RIMS1: variants seen among roughly 807,000 people sequenced by gnomAD.
RIMS1 encodes the protein regulating synaptic membrane exocytosis protein 1.
Under a neutral mutation model 214.1 loss-of-function variants are expected in RIMS1, and 83 were observed. That is an observed-to-expected ratio of 0.39 (90% confidence interval 0.32 to 0.47). The LOEUF is 0.47. RIMS1 is among the 20% of genes least tolerant of loss of function. The pLI is 0.99. For missense variants in RIMS1, 2,050 were observed against 2,161.8 expected, an observed-to-expected ratio of 0.95 and a Z score of 1.03; for synonymous variants, 793 against 786.8, an observed-to-expected ratio of 1.01 and a Z score of -0.13.
rs113505062 is a variant in RIMS1 at position 72,284,164 on chromosome 6, A to G, written c.3554+46A>G. ...TGCTGACATCTTCCATTTTAGGAAT[A>G]TATTTAGGGGTGCTGTCACTCTCAT... On this transcript the variant is annotated intron_variant, in intron 24 of 33. Coordinates refer to ENST00000521978, the MANE Select transcript of RIMS1 (RefSeq NM_014989.7). 21 of 1,491,418 alleles carry G rather than the reference A, an allele frequency of 1.4e-5. No individual in the cohort carries two copies. In the African/African-American group the frequency reaches 1.5e-4, roughly 11 times the overall value. The allele number at this position is 1,491,418 out of a possible 1,614,324, so 92.4% of individuals were successfully genotyped here.
intron 4 of RIMS1, among the ~76,000 whole-genome samples, chr6:72,147,670 G>A (rs1421316038): frequency 6.6e-6 from 1 of 152,114 alleles, no homozygotes; most frequent in East Asian, 1.9e-4. Flanking sequence ...TCCACAAAGA[G>A]AAAAGACATA....
intron 4 of RIMS1, among the ~76,000 whole-genome samples, chr6:72,120,386 G>A (rs995665980): frequency 5.9e-5 from 9 of 151,784 alleles, no homozygotes; most frequent in African/African-American, 2.2e-4. Context: ...GTTTTGATTT[G>A]CATTTCTCTG....
chr6:71,910,368 T>A (rs1776516635), intron 1 of RIMS1, among the ~76,000 whole-genome samples: 1 of 152,190 alleles, frequency 6.6e-6, no homozygotes, highest in Admixed American at 6.6e-5. Context: ...TGTGCATTCT[T>A]GGACTGGACA....
intron 2 of RIMS1, among the ~76,000 whole-genome samples, chr6:72,011,636 A>G (rs1233656616): frequency 6.6e-6 from 1 of 152,200 alleles, no homozygotes; most frequent in Non-Finnish European, 1.5e-5. Context: ...TTTACAAGAA[A>G]AAAACAAACA....
At chr6:71,900,854 C>T (rs1356420182) in intron 1 of RIMS1, among the ~76,000 whole-genome samples, 1 of 151,942 alleles carries the variant, frequency 6.6e-6, no homozygotes, top group Non-Finnish European at 1.5e-5. Flanking sequence ...ACACAGATGG[C>T]CATGAAGCTA....
chr6:72,362,431 G>A (rs954575761), intron 29 of RIMS1, among the ~76,000 whole-genome samples: 1 of 152,098 alleles, frequency 6.6e-6, no homozygotes, highest in African/African-American at 2.4e-5. Context: ...AGGTTTTACA[G>A]GGTCGGAATT....
Position 72,182,929 on chromosome 6 carries a change from G to C in RIMS1, c.1458G>C (p.Lys486Asn), listed in dbSNP as rs2048563711. The stretch of plus-strand genomic sequence containing the variant: ...CCAGCTCGGCGGTCCTCATGCGGAA[G>C]GCCAAGCGCGAGAAGGTGGAGACCA... Reference protein sequence around the residue: ...LDPSSAVLMRKAKREKVETML... With the variant: ...LDPSSAVLMRNAKREKVETML... Residue 486 changes from lysine (K) to asparagine (N), a missense_variant, in exon 6 of 34, where the codon AAG becomes AAC. This residue lies in a region of RIMS1 where 882 missense variants were observed against 828.9 expected (regional missense o/e 1.06). Coordinates refer to ENST00000521978, the MANE Select transcript of RIMS1 (RefSeq NM_014989.7). 1 of 1,585,460 alleles carries C rather than the reference G, an allele frequency of 6.3e-7. No individual in the cohort carries two copies.
chr6:72,124,007 C>G (rs906423975), intron 4 of RIMS1, among the ~76,000 whole-genome samples: 9 of 151,750 alleles, frequency 5.9e-5, no homozygotes, highest in African/African-American at 2.2e-4. Flanking sequence ...GAATTTGATC[C>G]TGTCATTATG....
intron 6 of RIMS1, among the ~76,000 whole-genome samples, chr6:72,188,628 A>G (rs2049532047): frequency 1.4e-5 from 2 of 145,456 alleles, no homozygotes; most frequent in East Asian, 3.9e-4. Context: ...TCTACTACCC[A>G]TTCTTTATTT....
At chr6:71,974,006 C>CT (rs1209142663) in intron 2 of RIMS1, among the ~76,000 whole-genome samples, 5 of 152,086 alleles carry the variant, frequency 3.3e-5, no homozygotes, top group African/African-American at 1.2e-4. Flanking sequence ...TGTGGCATAT[C>CT]TGGGGAGGTG....
intron 24 of RIMS1, among the ~76,000 whole-genome samples, chr6:72,289,763 G>T (rs561409969): frequency 1.5e-4 from 23 of 152,176 alleles, no homozygotes; most frequent in African/African-American, 5.3e-4. Flanking sequence ...TAGTCACTAA[G>T]TGAATTTTAC....
chr6:72,045,883 T>A (rs530488922), intron 2 of RIMS1, among the ~76,000 whole-genome samples: 3 of 152,030 alleles, frequency 2.0e-5, no homozygotes, highest in South Asian at 4.1e-4. Context: ...GTTAAGTTTT[T>A]TTTTTTAAAT....
chr6:71,890,596 A>AAAAAAAAAAAAAAAAAAAAAAAAAAC (rs1554194854), intron 1 of RIMS1, among the ~76,000 whole-genome samples: 1 of 112,950 alleles, frequency 8.9e-6, no homozygotes, highest in Non-Finnish European at 1.8e-5. Context: ...AAAAAAAAAA[A>AAAAAAAAAAAAAAAAAAAAAAAAAAC]ACTTCATAGA....
chr6:71,990,289 C>T (rs981815169), intron 2 of RIMS1, among the ~76,000 whole-genome samples: 15 of 152,270 alleles, frequency 9.9e-5, no homozygotes, highest in African/African-American at 2.9e-4. Flanking sequence ...ATACGTGCAG[C>T]TCATTTACAA....
chr6:71,897,342 C>T (rs1202465813), intron 1 of RIMS1, among the ~76,000 whole-genome samples: 1 of 152,092 alleles, frequency 6.6e-6, no homozygotes, highest in Non-Finnish European at 1.5e-5. Flanking sequence ...TTCTAAAATT[C>T]GTCTGATCAT....
At chr6:71,983,445 G>GT (rs149037699) in intron 2 of RIMS1, among the ~76,000 whole-genome samples, 12,094 of 151,708 alleles carry the variant, frequency 0.08, 550 homozygotes, top group African/African-American at 0.098. Flanking sequence ...GAAAAAAAGG[G>GT]TTTTTTTTAT....
chr6:71,897,346 T>C (rs1262603462), intron 1 of RIMS1, among the ~76,000 whole-genome samples: 1 of 152,186 alleles, frequency 6.6e-6, no homozygotes, highest in Non-Finnish European at 1.5e-5. Context: ...AAAATTCGTC[T>C]GATCATGTCT....
chr6:72,104,421 A>G (rs539444065), intron 4 of RIMS1, among the ~76,000 whole-genome samples: 85 of 152,324 alleles, frequency 5.6e-4, no homozygotes, highest in Non-Finnish European at 1.0e-3. Context: ...CCAACTTTCA[A>G]TATATGCCAC....
chr6:72,002,758 T>A (rs1359950784), intron 2 of RIMS1, among the ~76,000 whole-genome samples: 1 of 152,182 alleles, frequency 6.6e-6, no homozygotes, highest in African/African-American at 2.4e-5. Context: ...GGATGAGTGA[T>A]GAGTAGATGA....
Sources: gnomAD v4.1 joint callset for allele counts (sites outside exome capture counted in the v4.1 genomes callset) on GRCh38, gnomAD v4.1.1 for gene constraint, gnomAD v4.1.1 regional missense constraint, MANE v1.5 for transcripts, NCBI Gene and HGNC (gene_info 2026-07-23, HGNC 2026-07-21) for gene names.